RIC1: variants seen among roughly 807,000 people sequenced by gnomAD.
The protein encoded by RIC1 is RIC1 partner of RAB6A GEF complex, also known as guanine nucleotide exchange factor subunit RIC1.
A neutral mutation model predicts 169.0 loss-of-function variants in RIC1; 88 were observed. The observed-to-expected ratio is 0.52, with a 90% CI of 0.44 to 0.62. The LOEUF is 0.62. RIC1 is among the 20% of genes least tolerant of loss of function. The pLI is 0.00. For synonymous variants in RIC1, 790 were observed against 601.5 expected (o/e 1.31, Z -4.59); for missense variants, 1,877 against 1,725.5 (o/e 1.09, Z -1.56).
chr9:5,745,909 T>C (rs1427365546), intron 10 of RIC1, 22 bp from the exon 11 acceptor site: 3 of 1,593,066 alleles, frequency 1.9e-6, no homozygotes, highest in African/African-American at 2.7e-5. Context: ...TGACTTTTTT[T>C]CTCCCTCCTC....
In RIC1 at chr9:5,771,463, T is replaced by C. The variant is rs191063670; in HGVS notation, c.3617-1101T>C. Among the ~76,000 whole-genome samples the C allele has an allele frequency of 5.9e-5, 9 of 152,336 alleles. No homozygotes were observed. In the East Asian group the frequency reaches 1.5e-3, roughly 26 times the overall value. ...CTTGGGTTGCTTTTACTTTTGGCTA[T>C]TGTGAATTATGCTGCTGTGAATGTG... On this transcript the variant is annotated intron_variant, in intron 23 of 25. Coordinates refer to ENST00000414202, the MANE Select transcript of RIC1 (RefSeq NM_020829.4).
intron 12 of RIC1, 21 bp downstream of exon 12, chr9:5,747,526 T>A (rs1203161568): frequency 6.4e-7 from 1 of 1,568,320 alleles, no homozygotes; most frequent in Non-Finnish European, 8.8e-7. Flanking sequence ...AGTTACTGAT[T>A]ACTAGAGACT....
intron 23 of RIC1, among the ~76,000 whole-genome samples, chr9:5,771,083 A>T (rs1827184821): frequency 1.3e-5 from 2 of 152,210 alleles, no homozygotes; most frequent in African/African-American, 4.8e-5. Context: ...TAGAATACAC[A>T]ATTTAACAGC....
intron 6 of RIC1, among the ~76,000 whole-genome samples, chr9:5,726,201 G>T (rs1299444490): frequency 6.6e-6 from 1 of 152,090 alleles, no homozygotes; most frequent in East Asian, 1.9e-4. Flanking sequence ...TCTCTTTGTA[G>T]GTCTCTAAGG....
intron 5 of RIC1, 78 bp downstream of exon 5, chr9:5,720,402 ACTT>A: frequency 7.1e-7 from 1 of 1,406,778 alleles, no homozygotes; most frequent in South Asian, 1.3e-5. Flanking sequence ...ATGGATGAAC[ACTT>A]CTTTGGAATT....
intron 2 of RIC1, among the ~76,000 whole-genome samples, chr9:5,686,983 C>G (rs1419374856): frequency 6.6e-6 from 1 of 152,068 alleles, no homozygotes. Context: ...CTAGAATTTT[C>G]TTTGTGGAAA....
rs777409360 is a variant in RIC1, at chr9:5,690,005, G to A, written c.299G>A (p.Gly100Glu). Reference sequence around the variant, plus strand: ...TTTTTTCATATTACATCTACAAGAGGGGACAAGTACCTTTATGAACCAGTG... The same window carrying A: ...TTTTTTCATATTACATCTACAAGAGAGGACAAGTACCTTTATGAACCAGTG... ...ILFFHITSTR[G>E]DKYLYEPVYP... The change falls in exon 3 of 26, where the codon GGG (glycine) becomes GAG (glutamate). Residue 100 changes from glycine to glutamate, a missense_variant. This residue lies in a region of RIC1 where 1,104 missense variants were observed against 992.0 expected (regional missense o/e 1.11). Transcript: ENST00000414202. 6.3e-7 allele frequency: 1 copy of A among 1,599,994 alleles called. No homozygotes were observed. Among genetic ancestry groups the A allele is most frequent in the Non-Finnish European group, 8.5e-7 (1 of 1,175,446 alleles).
intron 1 of RIC1, among the ~76,000 whole-genome samples, chr9:5,634,731 T>G (rs1817885777): frequency 6.6e-6 from 1 of 152,202 alleles, no homozygotes; most frequent in African/African-American, 2.4e-5. Flanking sequence ...TAATCCTACT[T>G]GTTTATTTTT....
At chr9:5,631,357 G>A (rs949363462) in intron 1 of RIC1, among the ~76,000 whole-genome samples, 1 of 152,102 alleles carries the variant, frequency 6.6e-6, no homozygotes, top group East Asian at 1.9e-4. Context: ...GGTCTGGAGT[G>A]AAATGAAATG....
chr9:5,653,826 G>A (rs1818939077), intron 1 of RIC1, among the ~76,000 whole-genome samples: 1 of 151,986 alleles, frequency 6.6e-6, no homozygotes, highest in African/African-American at 2.4e-5. Context: ...TCAAACTTTT[G>A]ACCTGGTGAT....
intron 6 of RIC1, among the ~76,000 whole-genome samples, chr9:5,729,539 T>C (rs1350071637): frequency 6.6e-6 from 1 of 152,334 alleles, no homozygotes; most frequent in Non-Finnish European, 1.5e-5. Flanking sequence ...CCTCCTATTA[T>C]TTTTGTCTTT....
chr9:5,726,263 A>T (rs1823976220), intron 6 of RIC1, among the ~76,000 whole-genome samples: 1 of 152,162 alleles, frequency 6.6e-6, no homozygotes, highest in South Asian at 2.1e-4. Context: ...TATATTTAGG[A>T]TAGTTAGCTC....
chr9:5,629,228 G>C lies in RIC1; in HGVS notation c.-82G>C. The C allele has an allele frequency of 8.0e-7, 1 of 1,254,404 alleles. No individual in the cohort carries two copies. Among genetic ancestry groups the C allele is most frequent in the Non-Finnish European group, 1.0e-6 (1 of 992,038 alleles). 77.7% of individuals were successfully genotyped at this position (1,254,404 alleles called of 1,614,324 possible). ...GCCGCCGCCGCCGACTCGGCCGGTG[G>C]CGGTGTGGGAGGTGGGCGACCAGCC... On this transcript the variant is annotated 5_prime_UTR_variant, in exon 1 of 26. Coordinates refer to ENST00000414202, the MANE Select transcript of RIC1 (RefSeq NM_020829.4).
intron 22 of RIC1, chr9:5,769,464 C>A: frequency 6.9e-7 from 1 of 1,457,528 alleles, no homozygotes; most frequent in South Asian, 1.5e-5. Flanking sequence ...AGTCTTGTGA[C>A]CTTGAAGTCT....
intron 2 of RIC1, among the ~76,000 whole-genome samples, chr9:5,664,594 G>T (rs1327241033): frequency 6.6e-6 from 1 of 152,026 alleles, no homozygotes; most frequent in African/African-American, 2.4e-5. Context: ...ATGTCTTGGG[G>T]TTGATCTTCT....
chr9:5,717,067 T>C (rs1202678193), intron 4 of RIC1, among the ~76,000 whole-genome samples: 1 of 152,238 alleles, frequency 6.6e-6, no homozygotes, highest in East Asian at 1.9e-4. Flanking sequence ...TCACAGTTTT[T>C]AAAAAGCCTA....
chr9:5,755,682 G>A (rs898917734), intron 15 of RIC1, among the ~76,000 whole-genome samples: 4 of 152,136 alleles, frequency 2.6e-5, no homozygotes, highest in African/African-American at 9.7e-5. Context: ...AAGCACTTTG[G>A]GAGGCTAAGG....
rs1057462928 is a variant in RIC1 at position 5,717,860 on chromosome 9, G to A, written c.441-2322G>A. ...TAAAAATAAAAAAAAAAAAAGTTCAGCCAGGCGCAGTGGCTCACGCCTGTA... is the reference window on the plus strand; with the variant it reads ...TAAAAATAAAAAAAAAAAAAGTTCAACCAGGCGCAGTGGCTCACGCCTGTA... On this transcript the variant is annotated intron_variant, in intron 4 of 25. Transcript: ENST00000414202. Among the ~76,000 whole-genome samples the A allele has an allele frequency of 3.1e-4, 46 of 149,904 alleles. 1 individual carries two copies. Among genetic ancestry groups the A allele is most frequent in the Non-Finnish European group, 3.0e-5 (2 of 67,706 alleles).
chr9:5,743,398 G>A (rs186670852), intron 9 of RIC1, among the ~76,000 whole-genome samples: 12 of 152,200 alleles, frequency 7.9e-5, no homozygotes. Flanking sequence ...GATAGGAGTA[G>A]GTTGGTATCT....
Sources: allele counts gnomAD v4.1 joint callset (sites outside exome capture counted in the v4.1 genomes callset), GRCh38; gene constraint gnomAD v4.1.1; regional missense constraint gnomAD v4.1.1; transcripts MANE v1.5; gene names NCBI Gene and HGNC (gene_info 2026-07-23, HGNC 2026-07-21).